Variants in NIT2 observed in about 807,000 individuals in gnomAD.
NIT2 encodes the protein nitrilase family member 2.
NIT2 carries 46 observed loss-of-function variants against 42.7 expected under a neutral mutation model. That is an observed-to-expected ratio of 1.08 (90% CI 0.85 to 1.38). The LOEUF (loss-of-function observed/expected upper bound fraction) is 1.38. Among genes scored for constraint, NIT2 ranks in the 40% most tolerant of loss-of-function variants. The probability of loss-of-function intolerance (pLI) is 0.00; values close to 1 mark genes in which losing one functional copy is unlikely to be tolerated. For missense variants in NIT2, 309 were observed against 342.5 expected (o/e 0.90, Z 0.77); for synonymous variants, 123 against 121.9 (o/e 1.01, Z -0.06).
rs1407166805 is a variant in NIT2 at position 100,359,410 on chromosome 3, C to A, written c.*4142C>A. 2.0e-5 allele frequency: 3 copies of A among 152,204 alleles called. No homozygotes were observed. The highest frequency in any genetic ancestry group is 2.0e-4 in the Admixed American group (3 of 15,282). 9.4% of individuals were successfully genotyped at this position (152,204 alleles called of 1,614,324 possible). On this transcript the variant is annotated 3_prime_UTR_variant, in exon 10 of 10. Transcript: ENST00000394140. ...TTCTCCCTCAGAACAAAGAGCACGC[C>A]ATCCTGTAAAGTACTCTTCCTGATT...
intron 7 of NIT2, among the ~76,000 whole-genome samples, chr3:100,350,899 T>C (rs1216311199): frequency 1.3e-5 from 2 of 152,026 alleles, no homozygotes; most frequent in Non-Finnish European, 2.9e-5. Context: ...ATGTTCCCCT[T>C]CGTGTGTCCA....
Position 100,348,899 on chromosome 3 carries a change from T to TG in NIT2, c.584+18_584+19insG. Reference sequence around the variant, plus strand: ...CGAAGCCGGTAAGAAAGGAACCATATATTCAAGCCTCTCGGCATGTCCTCT... The same window carrying TG: ...CGAAGCCGGTAAGAAAGGAACCATATGATTCAAGCCTCTCGGCATGTCCTCT... On this transcript the variant is annotated intron_variant, in intron 7 of 9. Coordinates refer to ENST00000394140, the MANE Select transcript of NIT2 (RefSeq NM_020202.5). 3 of 1,607,712 alleles carry TG rather than the reference T, an allele frequency of 1.9e-6. No homozygotes were observed. Among genetic ancestry groups the TG allele is most frequent in the Non-Finnish European group, 2.6e-6 (3 of 1,174,448 alleles).
chr3:100,360,557 AAC>A lies in NIT2; in HGVS notation c.*5291_*5292del, dbSNP rs1406913415. ...AGATCACACCACTGTACTCCTGGGC[AAC>A]AGAGTTAAACTGTATCAAAAAAAAA... On this transcript the variant is annotated 3_prime_UTR_variant, in exon 10 of 10. Coordinates refer to ENST00000394140, the MANE Select transcript of NIT2 (RefSeq NM_020202.5). 1.3e-5 allele frequency: 2 copies of A among 152,198 alleles called. No homozygotes were observed. Among genetic ancestry groups the A allele is most frequent in the Non-Finnish European group, 2.9e-5 (2 of 68,042 alleles). The allele number at this position is 152,198 out of a possible 1,614,324, so 9.4% of individuals were successfully genotyped here.
Position 100,355,162 on chromosome 3 carries a change from T to A in NIT2, c.740-15T>A, listed in dbSNP as rs367716576. ...GTTGCAAATTATTAATAGTGCACTT[T>A]CCTGTTTTTTGCAGACCTGAAGAAG... On this transcript the variant is annotated splice_polypyrimidine_tract_variant and intron_variant, in intron 9 of 9. Transcript: ENST00000394140. 2 of 1,606,944 alleles carry A rather than the reference T, an allele frequency of 1.2e-6. No homozygotes were observed. The highest frequency in any genetic ancestry group is 1.3e-5 in the African/African-American group (1 of 74,722).
intron 5 of NIT2, chr3:100,345,886 G>A (rs570213944): frequency 3.2e-5 from 19 of 602,118 alleles, no homozygotes; most frequent in Non-Finnish European, 5.6e-5. Flanking sequence ...TTTGATTGTA[G>A]CTTCCTGTTA....
chr3:100,353,214 A>C (rs1405995708), intron 8 of NIT2, among the ~76,000 whole-genome samples: 4 of 152,238 alleles, frequency 2.6e-5, no homozygotes, highest in Non-Finnish European at 1.5e-5. Flanking sequence ...GTTTGAATCC[A>C]GGATATTTGC....
chr3:100,337,233 T>C (rs1412061138), intron 1 of NIT2, among the ~76,000 whole-genome samples: 2 of 152,180 alleles, frequency 1.3e-5, no homozygotes, highest in Non-Finnish European at 2.9e-5. Flanking sequence ...GAGTCTCCTA[T>C]GTCTACTTCT....
intron 9 of NIT2, 57 bp from the exon 10 acceptor site, chr3:100,355,120 C>T (rs1706313264): frequency 7.8e-7 from 1 of 1,286,930 alleles, no homozygotes; most frequent in South Asian, 1.2e-5. Context: ...GGAAGAAATC[C>T]CCTTGGTTAG....
At chr3:100,342,610 C>A (rs1008716743) in intron 4 of NIT2, among the ~76,000 whole-genome samples, 2 of 150,946 alleles carry the variant, frequency 1.3e-5, no homozygotes, top group African/African-American at 4.9e-5. Context: ...TATATCATTT[C>A]ATGTGAAATT....
rs1475767671 is a variant in NIT2 at position 100,359,119 on chromosome 3, A to G, written c.*3851A>G. On this transcript the variant is annotated 3_prime_UTR_variant, in exon 10 of 10. Transcript: ENST00000394140. ...TTTAGGATAAAATGGTCTTGTTAAA[A>G]TCACCAATTAAAAAGTTAAGCCCCT... The G allele has an allele frequency of 1.3e-5, 2 of 152,250 alleles. No homozygotes were observed. The highest frequency in any genetic ancestry group is 4.8e-5 in the African/African-American group (2 of 41,464). 9.4% of individuals were successfully genotyped at this position (152,250 alleles called of 1,614,324 possible). A position where few individuals can be genotyped will look rare whatever the true frequency, so the allele number is the denominator to read the frequency against.
At chr3:100,350,356 C>T (rs1706260895) in intron 7 of NIT2, among the ~76,000 whole-genome samples, 1 of 152,176 alleles carries the variant, frequency 6.6e-6, no homozygotes, top group Non-Finnish European at 1.5e-5. Flanking sequence ...ACCTGGACTG[C>T]GAGCTGCAAT....
intron 7 of NIT2, among the ~76,000 whole-genome samples, chr3:100,350,520 C>T (rs1706262730): frequency 6.6e-6 from 1 of 152,184 alleles, no homozygotes; most frequent in South Asian, 2.1e-4. Flanking sequence ...TAGCTTATAG[C>T]AGGCTTTCTC....
chr3:100,346,141 G>T lies in NIT2; in HGVS notation c.431-40G>T, dbSNP rs778501746. On this transcript the variant is annotated intron_variant, in intron 5 of 9. Coordinates refer to ENST00000394140, the MANE Select transcript of NIT2 (RefSeq NM_020202.5). ...TTCCCCTGCCACACCATGCTGTAGG[G>T]AGTTAACTTTTCATTTGTGCATTTT... is the stretch of plus-strand genomic sequence containing the variant. 4.6e-6 allele frequency: 7 copies of T among 1,528,738 alleles called. No individual in the cohort carries two copies. The African/African-American group carries it at 5.5e-5, about 12-fold the overall frequency. 94.7% of individuals were successfully genotyped at this position (1,528,738 alleles called of 1,614,324 possible).
chr3:100,354,625 T>C, intron 8 of NIT2, 147 bp from the exon 9 acceptor site: 1 of 494,860 alleles, frequency 2.0e-6, no homozygotes, highest in Non-Finnish European at 3.6e-6. Context: ...GCTATTTAAA[T>C]GATAGAACAT....
chr3:100,347,537 C>T (rs921394048), intron 6 of NIT2, among the ~76,000 whole-genome samples: 4 of 152,138 alleles, frequency 2.6e-5, no homozygotes, highest in Admixed American at 1.3e-4. Context: ...TCAAGTGATC[C>T]TCCCACCTCA....
At chr3:100,347,279 A>T (rs1559824735) in intron 6 of NIT2, among the ~76,000 whole-genome samples, 1 of 152,034 alleles carries the variant, frequency 6.6e-6, no homozygotes, top group Non-Finnish European at 1.5e-5. Context: ...TATTTTTAGT[A>T]GTTATGGGGT....
intron 4 of NIT2, among the ~76,000 whole-genome samples, chr3:100,344,205 A>G (rs1372624646): frequency 1.3e-5 from 2 of 152,184 alleles, no homozygotes; most frequent in African/African-American, 2.4e-5. Flanking sequence ...ACTACTTATC[A>G]CAGCAACTGG....
At chr3:100,351,758 G>A (rs1338635659) in intron 7 of NIT2, among the ~76,000 whole-genome samples, 2 of 152,122 alleles carry the variant, frequency 1.3e-5, no homozygotes, top group Non-Finnish European at 2.9e-5. Flanking sequence ...TTGACAAATG[G>A]GATCTAATTA....
At chr3:100,345,365 G>A (rs1291363965) in intron 4 of NIT2, among the ~76,000 whole-genome samples, 2 of 152,158 alleles carry the variant, frequency 1.3e-5, no homozygotes, top group African/African-American at 2.4e-5. Context: ...AGAAAATAGG[G>A]GTTATAAAAG....
Sources: gnomAD v4.1 joint callset for allele counts (sites outside exome capture counted in the v4.1 genomes callset) on GRCh38, gnomAD v4.1.1 for gene constraint, MANE v1.5 for transcripts, NCBI Gene and HGNC (gene_info 2026-07-23, HGNC 2026-07-21) for gene names.